SLCO3A1: variants seen among roughly 807,000 people sequenced by gnomAD.
The protein encoded by SLCO3A1 is solute carrier organic anion transporter family member 3A1.
Under a neutral mutation model 63.1 loss-of-function variants are expected in SLCO3A1, and 27 were observed. The observed-to-expected ratio is 0.43, with a 90% CI of 0.32 to 0.59. The LOEUF (loss-of-function observed/expected upper bound fraction) is 0.59, where lower values mean the gene tolerates loss of function less well. SLCO3A1 is among the 20% of genes least tolerant of loss of function. The probability of loss-of-function intolerance (pLI) is 0.09; values close to 1 mark genes in which losing one functional copy is unlikely to be tolerated. For missense variants in SLCO3A1, 773 were observed against 945.8 expected, an observed-to-expected ratio of 0.82 and a Z score of 2.40; for synonymous variants, 473 against 409.9, an observed-to-expected ratio of 1.15 and a Z score of -1.86.
intron 2 of SLCO3A1, among the ~76,000 whole-genome samples, chr15:92,053,582 G>C (rs12440470): frequency 0.77 from 117,508 of 152,012 alleles, 45,675 homozygotes; most frequent in Admixed American, 0.88. Flanking sequence ...GTGACAGCTC[G>C]TCAGACTTTT....
chr15:92,148,694 CCCCTTG>C (rs1447660101), intron 8 of SLCO3A1: 1 of 152,082 alleles, frequency 6.6e-6, no homozygotes, highest in Admixed American at 6.6e-5. Context: ...AGTAACCCTA[CCCCTTG>C]CCATTTATCT....
At chr15:91,979,020 TACTA>T (rs565898345) in intron 2 of SLCO3A1, among the ~76,000 whole-genome samples, 7 of 152,376 alleles carry the variant, frequency 4.6e-5, no homozygotes, top group South Asian at 2.1e-4. Flanking sequence ...TCTTCACTTG[TACTA>T]ACTATCATTT....
intron 8 of SLCO3A1, 103 bp downstream of exon 8, chr15:92,147,262 G>C (rs1596145559): frequency 8.6e-7 from 1 of 1,169,010 alleles, no homozygotes; most frequent in Admixed American, 2.3e-5. Context: ...TCTCGAACCA[G>C]GTGAGCTAGG....
At position 92,079,667 on chromosome 15, in the gene SLCO3A1, G is replaced by A. The variant is rs572682932; in HGVS notation, c.647-15214G>A. Among the ~76,000 whole-genome samples the A allele has an allele frequency of 3.3e-5, 5 of 152,202 alleles. No homozygotes were observed. In the East Asian group the frequency reaches 7.7e-4, roughly 24 times the overall value. On this transcript the variant is annotated intron_variant, in intron 2 of 9. Transcript: ENST00000318445. ...CCAGGGCTTCAACATGGATTTGAGG[G>A]GACACAGTCCAGCCCGTAATAGGGG...
At chr15:92,124,288 C>G (rs1172013326) in intron 5 of SLCO3A1, among the ~76,000 whole-genome samples, 1 of 152,170 alleles carries the variant, frequency 6.6e-6, no homozygotes, top group African/African-American at 2.4e-5. Context: ...CAGGGAAGTT[C>G]TGATCACCGC....
intron 1 of SLCO3A1, among the ~76,000 whole-genome samples, chr15:91,915,672 G>C (rs182927319): frequency 1.1e-4 from 17 of 152,232 alleles, no homozygotes; most frequent in Non-Finnish European, 2.2e-4. Context: ...GGCTGTCTGT[G>C]GTGGAGGTCT....
At position 91,854,430 on chromosome 15, in the gene SLCO3A1, T is replaced by C. The variant is rs1316466434; in HGVS notation, c.180+342T>C. 1.0e-6 allele frequency: 1 copy of C among 1,000,912 alleles called. No homozygotes were observed. The highest frequency in any genetic ancestry group is 1.7e-5 in the African/African-American group (1 of 57,948). The allele number at this position is 1,000,912 out of a possible 1,614,324, so 62.0% of individuals were successfully genotyped here. On this transcript the variant is annotated intron_variant, in intron 1 of 9. Coordinates refer to ENST00000318445, the MANE Select transcript of SLCO3A1 (RefSeq NM_013272.4). The surrounding 1 kb of genome is among the most constrained non-coding windows in gnomAD (Gnocchi z 6.4). ...GAGACGGTGAGTTCAGGGTTCTCCTTGGAGAGGAACGAAAAAGCGTCGGGG... is the reference window on the plus strand; with the variant it reads ...GAGACGGTGAGTTCAGGGTTCTCCTCGGAGAGGAACGAAAAAGCGTCGGGG...
chr15:92,096,115 G>A (rs993239328), intron 3 of SLCO3A1, among the ~76,000 whole-genome samples: 1 of 152,204 alleles, frequency 6.6e-6, no homozygotes, highest in Non-Finnish European at 1.5e-5. Flanking sequence ...TGAGGCTGCA[G>A]TCAAGGTGTT....
chr15:92,039,922 G>T (rs1402243484), intron 2 of SLCO3A1, among the ~76,000 whole-genome samples: 1 of 152,154 alleles, frequency 6.6e-6, no homozygotes, highest in Non-Finnish European at 1.5e-5. Context: ...CAAGGACATG[G>T]ATGAAGCTGG....
intron 3 of SLCO3A1, among the ~76,000 whole-genome samples, chr15:92,101,485 G>T (rs1355475163): frequency 6.6e-6 from 1 of 151,996 alleles, no homozygotes; most frequent in African/African-American, 2.4e-5. Flanking sequence ...CTCCAGCCTG[G>T]CCGACAGAGC....
chr15:91,888,547 A>G (rs917020455), intron 1 of SLCO3A1, among the ~76,000 whole-genome samples: 4 of 151,806 alleles, frequency 2.6e-5, no homozygotes, highest in African/African-American at 7.3e-5. Flanking sequence ...TCCTAGGCAT[A>G]TGAAATCTCA....
rs187777409 is a variant in SLCO3A1 at position 92,123,791 on chromosome 15, G to A, written c.1175-2270G>A. Among the ~76,000 whole-genome samples the A allele has an allele frequency of 3.2e-4, 49 of 152,274 alleles. No homozygotes were observed. In the East Asian group the frequency reaches 8.1e-3, roughly 25 times the overall value. The stretch of plus-strand genomic sequence containing the variant: ...ATTTGCACAGTTGCTTCAACTTTGG[G>A]CAGTGCTCTGTTTCAGAACAGATGC... On this transcript the variant is annotated intron_variant, in intron 5 of 9. Transcript: ENST00000318445.
intron 4 of SLCO3A1, among the ~76,000 whole-genome samples, chr15:92,113,787 C>T (rs1488338642): frequency 1.3e-5 from 2 of 152,192 alleles, no homozygotes; most frequent in African/African-American, 4.8e-5. Flanking sequence ...TCCTCTACCC[C>T]TACGCAAGGG....
intron 7 of SLCO3A1, among the ~76,000 whole-genome samples, chr15:92,130,887 A>G (rs890446207): frequency 9.1e-5 from 4 of 43,722 alleles, no homozygotes; most frequent in Non-Finnish European, 2.4e-4. Flanking sequence ...GTTCGGGGCA[A>G]AAAAAAAAAA....
chr15:92,163,254 C>T lies in SLCO3A1; in HGVS notation c.*119C>T. The T allele has an allele frequency of 7.1e-7, 1 of 1,400,236 alleles. No homozygotes were observed. The highest frequency in any genetic ancestry group is 9.2e-7 in the Non-Finnish European group (1 of 1,084,284). The allele number at this position is 1,400,236 out of a possible 1,614,324, so 86.7% of individuals were successfully genotyped here. On this transcript the variant is annotated 3_prime_UTR_variant, in exon 10 of 10. Transcript: ENST00000318445. ...GTACACACACACAGGCACAGATGCA[C>T]ACACACGCAGACAGACACACCGACT...
chr15:91,926,341 C>T (rs142214080), intron 2 of SLCO3A1, among the ~76,000 whole-genome samples: 21 of 152,212 alleles, frequency 1.4e-4, no homozygotes, highest in African/African-American at 3.9e-4. Flanking sequence ...TAGCACATTG[C>T]GTATGTGGGC....
rs2151536664 is a variant in SLCO3A1, at chr15:92,094,771, C to G, written c.647-110C>G. 5 of 681,498 alleles carry G rather than the reference C, an allele frequency of 7.3e-6. No individual in the cohort carries two copies. In the South Asian group the frequency reaches 9.4e-5, roughly 13 times the overall value. The allele number at this position is 681,498 out of a possible 1,614,324, so 42.2% of individuals were successfully genotyped here. On this transcript the variant is annotated intron_variant, in intron 2 of 9. Transcript: ENST00000318445. ...CCCTCTAGGATTTTTAGATGAATTC[C>G]TAATGTCATCTCATCTCATCAATGT...
chr15:92,072,401 C>G (rs1378709678), intron 2 of SLCO3A1, among the ~76,000 whole-genome samples: 1 of 151,916 alleles, frequency 6.6e-6, no homozygotes, highest in Admixed American at 6.6e-5. Flanking sequence ...TGTCTGTGCT[C>G]TGGACTTAAG....
At chr15:91,983,355 A>G (rs2046010853) in intron 2 of SLCO3A1, among the ~76,000 whole-genome samples, 1 of 152,158 alleles carries the variant, frequency 6.6e-6, no homozygotes, top group Admixed American at 6.5e-5. Context: ...GTGGGAGGCT[A>G]TTTATTTCTA....
Sources: gnomAD v4.1 joint callset for allele counts (sites outside exome capture counted in the v4.1 genomes callset) on GRCh38, gnomAD v4.1.1 for gene constraint, Gnocchi (gnomAD v3.1) non-coding constraint, MANE v1.5 for transcripts, NCBI Gene and HGNC (gene_info 2026-07-23, HGNC 2026-07-21) for gene names.